ATXN1: variants seen among roughly 807,000 people sequenced by gnomAD.
ATXN1 encodes ataxin-1.
In ATXN1, 8 loss-of-function variants were observed where a neutral mutation model predicts 56.4. That is an observed-to-expected ratio of 0.14 (90% CI 0.08 to 0.26). ATXN1 has a LOEUF of 0.26. Ranked by LOEUF, ATXN1 falls within the 10% of genes least tolerant of loss-of-function variation. ATXN1 has a pLI of 1.00. For missense variants in ATXN1, 987 were observed against 1,106.5 expected (o/e 0.89, Z 1.53); for synonymous variants, 514 against 494.6 (o/e 1.04, Z -0.52).
intron 7 of ATXN1, among the ~76,000 whole-genome samples, chr6:16,309,721 G>T (rs1222406797): frequency 6.6e-6 from 1 of 152,094 alleles, no homozygotes; most frequent in African/African-American, 2.4e-5. Flanking sequence ...AAACTAAACA[G>T]GAAAAAATAT....
At chr6:16,445,402 G>A (rs1365440588) in intron 6 of ATXN1, among the ~76,000 whole-genome samples, 1 of 152,068 alleles carries the variant, frequency 6.6e-6, no homozygotes, top group Non-Finnish European at 1.5e-5. Context: ...AATAATCCAG[G>A]TGCAGAGGTG....
At chr6:16,454,098 C>T (rs542012370) in intron 6 of ATXN1, among the ~76,000 whole-genome samples, 1 of 128,586 alleles carries the variant, frequency 7.8e-6, no homozygotes, top group South Asian at 2.7e-4. Flanking sequence ...GGACTCCAGC[C>T]TGGGCAATAA....
chr6:16,531,835 GTAATATCTAC>G (rs1761510775), intron 4 of ATXN1, among the ~76,000 whole-genome samples: 1 of 152,154 alleles, frequency 6.6e-6, no homozygotes, highest in African/African-American at 2.4e-5. Context: ...ACTTAAAACA[GTAATATCTAC>G]TACATAAGCT....
chr6:16,347,472 A>C (rs1229876598), intron 6 of ATXN1, among the ~76,000 whole-genome samples: 1 of 150,030 alleles, frequency 6.7e-6, no homozygotes, highest in Non-Finnish European at 1.5e-5. Flanking sequence ...TCTGGTGGGG[A>C]CTTGGAGAAC....
At chr6:16,754,768 G>T (rs557229186) in intron 1 of ATXN1, 1 of 152,310 alleles carries the variant, frequency 6.6e-6, no homozygotes, top group Admixed American at 6.5e-5. Flanking sequence ...GAGAAGGAAG[G>T]TAAGCTGTTA....
intron 2 of ATXN1, chr6:16,739,991 C>T: frequency 4.7e-6 from 2 of 423,852 alleles, no homozygotes; most frequent in East Asian, 1.4e-4. Flanking sequence ...CTCCTTGACT[C>T]CTGGGGGAAA....
At chr6:16,550,024 G>A (rs1034394521) in intron 4 of ATXN1, among the ~76,000 whole-genome samples, 1 of 151,706 alleles carries the variant, frequency 6.6e-6, no homozygotes, top group South Asian at 2.1e-4. Flanking sequence ...ACTGGGGTGG[G>A]GAGGGGAGGG....
chr6:16,497,092 T>C (rs1355510737), intron 5 of ATXN1, among the ~76,000 whole-genome samples: 1 of 152,236 alleles, frequency 6.6e-6, no homozygotes, highest in Non-Finnish European at 1.5e-5. Flanking sequence ...ACAAAAATTC[T>C]ATTGCTAAAA....
chr6:16,589,505 G>C (rs1418421341), intron 3 of ATXN1, among the ~76,000 whole-genome samples: 1 of 150,404 alleles, frequency 6.6e-6, no homozygotes, highest in Non-Finnish European at 1.5e-5. Flanking sequence ...AAGTTCCAGA[G>C]CTGGGCATCT....
Position 16,326,489 on chromosome 6 carries a change from G to A in ATXN1, c.1822C>T (p.Leu608=). The A allele has an allele frequency of 6.2e-7, 1 of 1,614,176 alleles. No individual in the cohort carries two copies. The highest frequency in any genetic ancestry group is 8.5e-7 in the Non-Finnish European group (1 of 1,180,036). Residue 608 remains leucine (L), a synonymous_variant, in exon 7 of 8, where the codon CTG becomes TTG. Coordinates refer to ENST00000436367, the MANE Select transcript of ATXN1 (RefSeq NM_001128164.2). This position sits in a 1 kb window ranked among gnomAD's most constrained non-coding sequence, Gnocchi z 6.6. ...TCTACGGTGCTGGAGTCGATCTTCA[G>A]GTCGTTGCTTATCTCTGCACTCTGG... is the stretch of plus-strand genomic sequence containing the variant. ...FIQSAEISND[L]KIDSSTVERI...
chr6:16,465,997 A>T (rs1308173149), intron 6 of ATXN1, among the ~76,000 whole-genome samples: 1 of 152,184 alleles, frequency 6.6e-6, no homozygotes, highest in African/African-American at 2.4e-5. Flanking sequence ...CAGGAAGCTG[A>T]GATGGAAGAG....
At chr6:16,641,259 G>A (rs971979994) in intron 3 of ATXN1, among the ~76,000 whole-genome samples, 12 of 152,214 alleles carry the variant, frequency 7.9e-5, no homozygotes, top group East Asian at 1.9e-4. Context: ...ATTTTTCAAC[G>A]TAGGCAAAGC....
intron 4 of ATXN1, among the ~76,000 whole-genome samples, chr6:16,553,975 T>C (rs1185661656): frequency 6.6e-6 from 1 of 152,182 alleles, no homozygotes; most frequent in Non-Finnish European, 1.5e-5. Context: ...CCTTTGTACA[T>C]AAACATCTTT....
At chr6:16,338,072 C>G (rs1406825977) in intron 6 of ATXN1, among the ~76,000 whole-genome samples, 1 of 152,160 alleles carries the variant, frequency 6.6e-6, no homozygotes, top group African/African-American at 2.4e-5. Context: ...GATAATAGAT[C>G]AATAATATTC....
At chr6:16,666,422 T>C (rs1758425201) in intron 2 of ATXN1, 1 of 166,612 alleles carries the variant, frequency 6.0e-6, no homozygotes, top group Non-Finnish European at 1.3e-5. Context: ...ATCTTGGCTA[T>C]AATGAATAGC....
At chr6:16,417,922 G>C (rs947844716) in intron 6 of ATXN1, among the ~76,000 whole-genome samples, 7 of 152,104 alleles carry the variant, frequency 4.6e-5, no homozygotes, top group Non-Finnish European at 1.0e-4. Context: ...TGGTTCAAAA[G>C]TTAGCCTCTC....
At chr6:16,502,600 A>T (rs1760905875) in intron 5 of ATXN1, among the ~76,000 whole-genome samples, 1 of 152,234 alleles carries the variant, frequency 6.6e-6, no homozygotes, top group Non-Finnish European at 1.5e-5. Context: ...AAATACAATT[A>T]ACTGCTATTT....
chr6:16,534,830 G>A (rs1761567953), intron 4 of ATXN1, among the ~76,000 whole-genome samples: 1 of 152,186 alleles, frequency 6.6e-6, no homozygotes, highest in Non-Finnish European at 1.5e-5. Context: ...ACCTTCCTAA[G>A]TCTGCTCTTG....
chr6:16,582,429 AC>A (rs1358612144), intron 4 of ATXN1, among the ~76,000 whole-genome samples: 1 of 152,222 alleles, frequency 6.6e-6, no homozygotes, highest in African/African-American at 2.4e-5. Flanking sequence ...GTGAGGAATG[AC>A]TGAATGGGAT....
Sources: allele counts gnomAD v4.1 joint callset (sites outside exome capture counted in the v4.1 genomes callset), GRCh38; gene constraint gnomAD v4.1.1; non-coding constraint Gnocchi (gnomAD v3.1); transcripts MANE v1.5; gene names NCBI Gene and HGNC (gene_info 2026-07-23, HGNC 2026-07-21).